GRIA3: variants seen among roughly 807,000 people sequenced by gnomAD.
The protein encoded by GRIA3 is glutamate ionotropic receptor AMPA type subunit 3, also known as glutamate receptor 3.
In GRIA3, 3 loss-of-function variants were observed where a neutral mutation model predicts 63.0. The observed-to-expected ratio is 0.05, with a 90% CI of 0.02 to 0.12. GRIA3 has a LOEUF of 0.12. Ranked by LOEUF, GRIA3 falls within the 10% of genes least tolerant of loss-of-function variation. The pLI, the probability that GRIA3 is intolerant of heterozygous loss-of-function variation, is 1.00. For synonymous variants in GRIA3, 274 were observed against 257.9 expected, an observed-to-expected ratio of 1.06 and a Z score of -0.60; for missense variants, 347 against 700.9, an observed-to-expected ratio of 0.50 and a Z score of 5.70.
At chrX:123,231,159 G>T (rs2044274187) in intron 2 of GRIA3, among the ~76,000 whole-genome samples, 2 of 111,912 alleles carry the variant, frequency 1.8e-5, no homozygotes, top group African/African-American at 6.5e-5. Flanking sequence ...GCACCCTGGA[G>T]ATCTCTGGAA....
chrX:123,231,056 G>T (rs1210545262), intron 2 of GRIA3, among the ~76,000 whole-genome samples: 1 of 111,972 alleles, frequency 8.9e-6, no homozygotes, highest in African/African-American at 3.2e-5. Flanking sequence ...AGTCTTTTCA[G>T]AAACAAACCT....
At position 123,246,686 on chromosome X, in the gene GRIA3, C is replaced by A. The variant is rs994447186; in HGVS notation, c.269-6617C>A. On this transcript the variant is annotated intron_variant, in intron 2 of 15. Transcript: ENST00000620443. ...TTTACCGTATAACCTAATTCAGGGACTTTGGGACTCAGACATGGACATCTT... is the reference window on the plus strand; with the variant it reads ...TTTACCGTATAACCTAATTCAGGGAATTTGGGACTCAGACATGGACATCTT... Among the ~76,000 whole-genome samples, 3 of 110,927 alleles carry A rather than the reference C, an allele frequency of 2.7e-5. No individual in the cohort carries two copies. In the Admixed American group the frequency reaches 2.9e-4, roughly 11 times the overall value.
rs1460306880 is a variant in GRIA3 at position 123,482,867 on chromosome X, G to A, written c.2508G>A (p.Gly836=). ...GVFYILVGGL[G]LAMMVALIEF... ...TCTATATACTTGTCGGAGGTCTGGG[G>A]CTGGCCATGATGGTGGCTTTGATAG... The change falls in exon 15 of 16, where the codon GGG becomes GGA. Residue 836 remains glycine (G), a synonymous_variant. Transcript: ENST00000620443. The A allele has an allele frequency of 8.3e-7, 1 of 1,210,337 alleles. No homozygotes were observed. The highest frequency in any genetic ancestry group is 2.2e-5 in the Admixed American group (1 of 46,017).
chrX:123,446,988 C>G (rs538245239), intron 12 of GRIA3, among the ~76,000 whole-genome samples: 3 of 112,279 alleles, frequency 2.7e-5, no homozygotes, highest in Non-Finnish European at 5.6e-5. Context: ...TTGGTAATAA[C>G]GTACTGGCAC....
intron 2 of GRIA3, among the ~76,000 whole-genome samples, chrX:123,221,897 C>G (rs562495718): frequency 1.8e-5 from 2 of 111,753 alleles, no homozygotes; most frequent in African/African-American, 6.5e-5. Flanking sequence ...ATCACATTCT[C>G]TTTCTCCCAA....
intron 11 of GRIA3, among the ~76,000 whole-genome samples, chrX:123,420,961 A>T (rs1484761993): frequency 9.0e-6 from 1 of 111,422 alleles, no homozygotes; most frequent in Non-Finnish European, 1.9e-5. Flanking sequence ...TTTCCATCAC[A>T]ACTCAGTATA....
Position 123,408,828 on chromosome X carries a change from G to C in GRIA3, c.1500+3914G>C, listed in dbSNP as rs150689216. On this transcript the variant is annotated intron_variant, in intron 10 of 15. Transcript: ENST00000620443. ...TACAGCAAACCAACCCATCGGAGAA[G>C]ACTGCCAAATTCCATTTTCCTCTAA... is the stretch of plus-strand genomic sequence containing the variant. Among the ~76,000 whole-genome samples the C allele has an allele frequency of 2.5e-4, 28 of 112,230 alleles. No individual in the cohort carries two copies. The East Asian group carries it at 7.6e-3, about 30-fold the overall frequency.
intron 3 of GRIA3, among the ~76,000 whole-genome samples, chrX:123,295,810 A>C (rs992181720): frequency 9.1e-4 from 101 of 111,483 alleles, no homozygotes; most frequent in African/African-American, 3.1e-3. Flanking sequence ...AGACATACAT[A>C]GGTCATATTA....
At chrX:123,200,630 C>CAT in intron 2 of GRIA3, among the ~76,000 whole-genome samples, 1 of 108,295 alleles carries the variant, frequency 9.2e-6, no homozygotes, top group South Asian at 4.0e-4. Context: ...CACACACACA[C>CAT]ACACACACAC....
At chrX:123,185,508 A>AGGGGGGGGGGGGGGGGGGGGGGGGGGG (rs3216834) in intron 1 of GRIA3, among the ~76,000 whole-genome samples, 1 of 40,960 alleles carries the variant, frequency 2.4e-5, no homozygotes, top group African/African-American at 7.2e-5. Flanking sequence ...CGGGGGGCGG[A>AGGGGGGGGGGGGGGGGGGGGGGGGGGG]GGGGGGGGGC....
At chrX:123,477,426 T>G (rs1181519255) in intron 13 of GRIA3, among the ~76,000 whole-genome samples, 1 of 112,239 alleles carries the variant, frequency 8.9e-6, no homozygotes, top group Admixed American at 9.4e-5. Flanking sequence ...GCACTGTCTA[T>G]ATTTCTGTAA....
chrX:123,364,802 T>C (rs1208419080), intron 5 of GRIA3, among the ~76,000 whole-genome samples: 1 of 112,820 alleles, frequency 8.9e-6, no homozygotes, highest in Non-Finnish European at 1.9e-5. Context: ...GGAAATCCTG[T>C]CACTGTGACA....
intron 2 of GRIA3, among the ~76,000 whole-genome samples, chrX:123,237,597 A>T (rs1246740516): frequency 1.8e-5 from 2 of 112,035 alleles, no homozygotes; most frequent in Non-Finnish European, 3.8e-5. Context: ...AAAGCCTTTA[A>T]TTTTGCGTGA....
At chrX:123,191,308 T>C (rs773522288) in intron 2 of GRIA3, among the ~76,000 whole-genome samples, 22 of 112,198 alleles carry the variant, frequency 2.0e-4, no homozygotes, top group Admixed American at 4.7e-4. Flanking sequence ...GAGGGTGCAA[T>C]TAAAACCCCA....
intron 13 of GRIA3, among the ~76,000 whole-genome samples, chrX:123,479,474 G>A (rs1029184986): frequency 2.7e-5 from 3 of 112,346 alleles, no homozygotes; most frequent in Non-Finnish European, 3.8e-5. Context: ...GAACATGTAC[G>A]TGGTACAGTT....
Position 123,482,789 on chromosome X carries a change from T to C in GRIA3, c.2440-10T>C. On this transcript the variant is annotated splice_polypyrimidine_tract_variant and intron_variant, in intron 14 of 15. Coordinates refer to ENST00000620443, the MANE Select transcript of GRIA3 (RefSeq NM_007325.5). ...CCCCAAGATCTAATCACGTTGTTCA[T>C]TTCTCTTAGGACAAGACCAGCGCTC... 2 of 1,210,977 alleles carry C rather than the reference T, an allele frequency of 1.7e-6. No individual in the cohort carries two copies. Among genetic ancestry groups the C allele is most frequent in the Non-Finnish European group, 2.2e-6 (2 of 894,521 alleles).
At chrX:123,324,289 A>G (rs1163380335) in intron 3 of GRIA3, among the ~76,000 whole-genome samples, 1 of 112,397 alleles carries the variant, frequency 8.9e-6, no homozygotes, top group Non-Finnish European at 1.9e-5. Context: ...TTTACTTTAA[A>G]TATATTAAAG....
intron 5 of GRIA3, among the ~76,000 whole-genome samples, chrX:123,392,847 T>C (rs770716012): frequency 1.8e-5 from 2 of 112,256 alleles, no homozygotes; most frequent in East Asian, 5.6e-4. Context: ...GCCCCTTTCA[T>C]TGGAGTTTTA....
intron 3 of GRIA3, among the ~76,000 whole-genome samples, chrX:123,290,586 CTGTGTGTGTGTGTGTGTG>C (rs761564682): frequency 6.7e-4 from 60 of 90,195 alleles, no homozygotes; most frequent in African/African-American, 2.3e-3. Flanking sequence ...CCTCAAAGGA[CTGTGTGTGTGTGTGTGTG>C]TGTGTGTGTG....
Sources: allele counts gnomAD v4.1 joint callset (sites outside exome capture counted in the v4.1 genomes callset), GRCh38; gene constraint gnomAD v4.1.1; transcripts MANE v1.5; gene names NCBI Gene and HGNC (gene_info 2026-07-23, HGNC 2026-07-21).